SLC16A12: variants seen among roughly 807,000 people sequenced by gnomAD.
SLC16A12 encodes solute carrier family 16 member 12, also known as monocarboxylate transporter 12.
In SLC16A12, 17 loss-of-function variants were observed where a neutral mutation model predicts 42.4. That is an observed-to-expected ratio of 0.40 (90% CI 0.27 to 0.60). The LOEUF is 0.60. SLC16A12 is among the 20% of genes least tolerant of loss of function. SLC16A12 has a pLI of 0.42. For missense variants in SLC16A12, 544 were observed against 623.0 expected (o/e 0.87, Z 1.35); for synonymous variants, 224 against 229.4 (o/e 0.98, Z 0.21).
chr10:89,462,632 C>G lies in SLC16A12; in HGVS notation c.-46-8G>C, dbSNP rs1842321154. ...CCATGGGTTACTCGCCATCTAAAACCAAAAATCAGGACATATTTATATCTT... is the reference window on the plus strand; with the variant it reads ...CCATGGGTTACTCGCCATCTAAAACGAAAAATCAGGACATATTTATATCTT... On this transcript the variant is annotated splice_region_variant and splice_polypyrimidine_tract_variant and intron_variant, in intron 2 of 7. Transcript: ENST00000371790. 2.0e-6 allele frequency: 3 copies of G among 1,531,368 alleles called. No homozygotes were observed. The East Asian group carries it at 7.3e-5, about 37-fold the overall frequency. 94.9% of individuals were successfully genotyped at this position (1,531,368 alleles called of 1,614,324 possible). A position where few individuals can be genotyped will look rare whatever the true frequency, so the allele number is the denominator to read the frequency against.
chr10:89,532,564 A>T (rs752512292), intron 2 of SLC16A12, among the ~76,000 whole-genome samples: 1 of 152,220 alleles, frequency 6.6e-6, no homozygotes, highest in African/African-American at 2.4e-5. Context: ...AAAGGTACTC[A>T]TAAGAAAATA....
chr10:89,507,670 C>T (rs1336366976), intron 2 of SLC16A12, among the ~76,000 whole-genome samples: 1 of 152,232 alleles, frequency 6.6e-6, no homozygotes, highest in African/African-American at 2.4e-5. Context: ...ACTGCATCAA[C>T]TAACAGGCAA....
chr10:89,528,780 C>G (rs1843495820), intron 2 of SLC16A12, among the ~76,000 whole-genome samples: 1 of 152,170 alleles, frequency 6.6e-6, no homozygotes, highest in South Asian at 2.1e-4. Flanking sequence ...CTATCAATAC[C>G]CTAGCCCTGT....
At chr10:89,474,343 C>G (rs1842543988) in intron 2 of SLC16A12, among the ~76,000 whole-genome samples, 1 of 152,208 alleles carries the variant, frequency 6.6e-6, no homozygotes, top group South Asian at 2.1e-4. Flanking sequence ...TGCATGCACA[C>G]ACACGCACCC....
chr10:89,461,228 A>G (rs1842294174), intron 3 of SLC16A12, among the ~76,000 whole-genome samples: 1 of 152,202 alleles, frequency 6.6e-6, no homozygotes, highest in Admixed American at 6.5e-5. Context: ...GACTTTGGAG[A>G]AAAGTAAGAG....
At chr10:89,455,971 G>T (rs538212523) in intron 3 of SLC16A12, 1 of 152,180 alleles carries the variant, frequency 6.6e-6, no homozygotes, top group Non-Finnish European at 1.5e-5. Flanking sequence ...CATCTGTGAC[G>T]AAATGACATT....
chr10:89,499,453 C>G (rs1842965321), intron 2 of SLC16A12, among the ~76,000 whole-genome samples: 2 of 152,102 alleles, frequency 1.3e-5, no homozygotes, highest in African/African-American at 2.4e-5. Flanking sequence ...ACTCGGGAGG[C>G]TGAGGCAGGA....
chr10:89,465,997 T>C (rs1369245462), intron 2 of SLC16A12, among the ~76,000 whole-genome samples: 1 of 152,264 alleles, frequency 6.6e-6, no homozygotes, highest in African/African-American at 2.4e-5. Flanking sequence ...TTCTTAACCA[T>C]GAAGGAAGCT....
rs908467776 is a variant in SLC16A12 at position 89,535,553 on chromosome 10, CTG to C, written c.-300_-299del. The C allele has an allele frequency of 6.5e-6, 1 of 153,078 alleles. No homozygotes were observed. Among genetic ancestry groups the C allele is most frequent in the African/African-American group, 2.4e-5 (1 of 41,490 alleles). The allele number at this position is 153,078 out of a possible 1,614,324, so 9.5% of individuals were successfully genotyped here. ...CCGGGAGCGGGGGCCGCCGGCGAGACTGAGCCCGGGACAGCCCAGAGCTCCAG... is the reference window on the plus strand; with the variant it reads ...CCGGGAGCGGGGGCCGCCGGCGAGACAGCCCGGGACAGCCCAGAGCTCCAG... On this transcript the variant is annotated 5_prime_UTR_variant, in exon 1 of 8. Coordinates refer to ENST00000371790, the MANE Select transcript of SLC16A12 (RefSeq NM_213606.4).
At chr10:89,446,559 G>C (rs565524512) in intron 3 of SLC16A12, among the ~76,000 whole-genome samples, 1 of 152,312 alleles carries the variant, frequency 6.6e-6, no homozygotes, top group African/African-American at 2.4e-5. Flanking sequence ...AGCAAATGCT[G>C]AGAGATTTTG....
chr10:89,446,495 A>T (rs1842003994), intron 3 of SLC16A12, among the ~76,000 whole-genome samples: 1 of 152,216 alleles, frequency 6.6e-6, no homozygotes, highest in African/African-American at 2.4e-5. Context: ...AGAATTTCAT[A>T]TCTGGCCAAA....
At chr10:89,494,721 G>T (rs1842897923) in intron 2 of SLC16A12, among the ~76,000 whole-genome samples, 1 of 152,160 alleles carries the variant, frequency 6.6e-6, no homozygotes, top group South Asian at 2.1e-4. Flanking sequence ...AAGGGAGACG[G>T]TAAGAAGGAA....
intron 6 of SLC16A12, among the ~76,000 whole-genome samples, chr10:89,438,053 C>T (rs1464819475): frequency 6.6e-6 from 1 of 152,074 alleles, no homozygotes; most frequent in Non-Finnish European, 1.5e-5. Context: ...CACCACCACA[C>T]CCAGCCAAAA....
chr10:89,536,664 T>C (rs1843667216), upstream of SLC16A12, among the ~76,000 whole-genome samples: 1 of 151,992 alleles, frequency 6.6e-6, no homozygotes, highest in South Asian at 2.1e-4. Flanking sequence ...GGAGCCTACG[T>C]CCTCACTTCT....
At chr10:89,457,658 T>A (rs909317544) in intron 3 of SLC16A12, among the ~76,000 whole-genome samples, 1 of 149,758 alleles carries the variant, frequency 6.7e-6, no homozygotes, top group Admixed American at 6.6e-5. Context: ...GTACAACCAG[T>A]TACATTTTTT....
At chr10:89,465,101 AT>A (rs1842371082) in intron 2 of SLC16A12, among the ~76,000 whole-genome samples, 1 of 152,200 alleles carries the variant, frequency 6.6e-6, no homozygotes, top group African/African-American at 2.4e-5. Flanking sequence ...TAGAGCTGCT[AT>A]TTACAAAACA....
rs1351129765 is a variant in SLC16A12 at position 89,488,853 on chromosome 10, A to G, written c.-46-26229T>C. 2.0e-5 allele frequency among the ~76,000 whole-genome samples: 3 copies of G among 152,232 alleles called. No homozygotes were observed. In the East Asian group the frequency reaches 5.8e-4, roughly 29 times the overall value. On this transcript the variant is annotated intron_variant, in intron 2 of 7. Coordinates refer to ENST00000371790, the MANE Select transcript of SLC16A12 (RefSeq NM_213606.4). ...TCTGGTTAGGAATATTCTGCATAAT[A>G]TCAGGATAAGTCCAGGATGTTGTAT...
intron 3 of SLC16A12, among the ~76,000 whole-genome samples, chr10:89,448,296 A>C (rs1034951192): frequency 6.6e-6 from 1 of 151,610 alleles, no homozygotes; most frequent in Admixed American, 6.6e-5. Context: ...GTCTGGCAAA[A>C]ACACACACAC....
chr10:89,496,565 G>A (rs192643733), intron 2 of SLC16A12, among the ~76,000 whole-genome samples: 5 of 152,190 alleles, frequency 3.3e-5, no homozygotes, highest in South Asian at 4.1e-4. Flanking sequence ...ACATTTGAGC[G>A]TCCAATGAAA....
Sources: allele counts gnomAD v4.1 joint callset (sites outside exome capture counted in the v4.1 genomes callset), GRCh38; gene constraint gnomAD v4.1.1; transcripts MANE v1.5; gene names NCBI Gene and HGNC (gene_info 2026-07-23, HGNC 2026-07-21).